TTC7A: variants seen among roughly 807,000 people sequenced by gnomAD.
TTC7A encodes tetratricopeptide repeat domain 7A.
In TTC7A, 110 loss-of-function variants were observed where a neutral mutation model predicts 103.7. The observed-to-expected ratio is 1.06, with a 90% CI of 0.91 to 1.24. TTC7A has a LOEUF of 1.24. Ranked by LOEUF, TTC7A falls within the 50% of genes most tolerant of loss-of-function variation. The pLI, the probability that TTC7A is intolerant of heterozygous loss-of-function variation, is 0.00. For missense variants in TTC7A, 1,340 were observed against 1,116.3 expected, an observed-to-expected ratio of 1.20 and a Z score of -2.86; for synonymous variants, 521 against 467.9, an observed-to-expected ratio of 1.11 and a Z score of -1.47.
In TTC7A at chr2:46,941,530, G is replaced by A. The variant is rs1453892294; in HGVS notation, c.-12G>A. 1.3e-6 allele frequency: 2 copies of A among 1,551,264 alleles called. No homozygotes were observed. Among genetic ancestry groups the A allele is most frequent in the South Asian group, 1.2e-5 (1 of 84,136 alleles). On this transcript the variant is annotated 5_prime_UTR_variant, in exon 1 of 20. Transcript: ENST00000319190. The surrounding 1 kb of genome is among the most constrained non-coding windows in gnomAD (Gnocchi z 4.2). The stretch of plus-strand genomic sequence containing the variant: ...TCTTGGCCGCACCTTCCATGACAGC[G>A]CCCGCGAGAAGATGGCTGCGAAGGG...
chr2:46,996,140 A>T (rs1279087118), intron 8 of TTC7A, among the ~76,000 whole-genome samples: 2 of 152,178 alleles, frequency 1.3e-5, no homozygotes, highest in Non-Finnish European at 2.9e-5. Context: ...TCAGCAAAGG[A>T]GAGTGCACTG....
intron 3 of TTC7A, among the ~76,000 whole-genome samples, chr2:46,973,684 T>C (rs773811864): frequency 5.3e-5 from 8 of 152,122 alleles, no homozygotes; most frequent in Non-Finnish European, 1.2e-4. Context: ...TGAGTCCCTA[T>C]AGTGACACAA....
intron 5 of TTC7A, among the ~76,000 whole-genome samples, chr2:46,987,824 G>C (rs1675187737): frequency 6.6e-6 from 1 of 151,168 alleles, no homozygotes; most frequent in Non-Finnish European, 1.5e-5. Context: ...GTGTGTGTGT[G>C]TGTGTGTGTG....
chr2:46,968,307 G>A (rs865860246), intron 3 of TTC7A, among the ~76,000 whole-genome samples: 1 of 152,230 alleles, frequency 6.6e-6, no homozygotes, highest in Non-Finnish European at 1.5e-5. Context: ...TCACAAGGCA[G>A]TGCCTGCCCT....
chr2:47,060,957 A>G lies in TTC7A; in HGVS notation c.2341A>G (p.Ile781Val). The G allele has an allele frequency of 6.2e-7, 1 of 1,612,466 alleles. No individual in the cohort carries two copies. Residue 781 changes from isoleucine (I) to valine (V), a missense_variant, in exon 19 of 20, where the codon ATC becomes GTC. By Grantham distance (29) the Ile-to-Val change is conservative (BLOSUM62 3). Coordinates refer to ENST00000319190, the MANE Select transcript of TTC7A (RefSeq NM_020458.4). ...CACGGTGAACCCAGATGGCGTGCGC[A>G]TCATGCATAGCCTGGTGAGTCAGAG... ...ALTVNPDGVRIMHSLGLMLSR... is the reference protein window; with the variant it reads ...ALTVNPDGVRVMHSLGLMLSR...
chr2:46,942,067 A>G (rs1670470139), intron 1 of TTC7A, among the ~76,000 whole-genome samples: 2 of 152,176 alleles, frequency 1.3e-5, no homozygotes, highest in African/African-American at 4.8e-5. Flanking sequence ...GGGTGTCCCT[A>G]AACTCCATCA....
rs1232772899 is a variant in TTC7A, at chr2:46,953,227, C to T, written c.348+2701C>T. ...GGAGTGCAGTGGCGTGAACATGGCT[C>T]ACTGCAGACTGGACCTCCTGGGCTC... On this transcript the variant is annotated intron_variant, in intron 2 of 19. Transcript: ENST00000319190. Among the ~76,000 whole-genome samples the T allele has an allele frequency of 2.0e-5, 3 of 152,172 alleles. No homozygotes were observed. In the East Asian group the frequency reaches 5.8e-4, roughly 29 times the overall value.
chr2:47,052,110 T>C (rs901979701), intron 18 of TTC7A, among the ~76,000 whole-genome samples: 13 of 152,142 alleles, frequency 8.5e-5, no homozygotes, highest in Non-Finnish European at 1.6e-4. Flanking sequence ...CGTGAGAGGA[T>C]TGGAGGTCCT....
chr2:47,046,463 A>G, intron 16 of TTC7A, 32 bp downstream of exon 16: 2 of 1,585,344 alleles, frequency 1.3e-6, no homozygotes, highest in Admixed American at 1.7e-5. Flanking sequence ...TTGGGTTGCC[A>G]GAGGGTGGTT....
At chr2:46,991,639 T>G (rs1185757904) in intron 5 of TTC7A, among the ~76,000 whole-genome samples, 1 of 152,212 alleles carries the variant, frequency 6.6e-6, no homozygotes, top group African/African-American at 2.4e-5. Flanking sequence ...TAAGGAAAAG[T>G]ACGACATAAA....
At chr2:46,988,053 G>A (rs75504598) in intron 5 of TTC7A, among the ~76,000 whole-genome samples, 19 of 152,222 alleles carry the variant, frequency 1.2e-4, no homozygotes, top group South Asian at 6.2e-4. Flanking sequence ...CACAGTCACC[G>A]AACAGCGAAG....
intron 10 of TTC7A, among the ~76,000 whole-genome samples, chr2:47,009,784 A>G (rs1190411567): frequency 6.6e-6 from 1 of 151,924 alleles, no homozygotes; most frequent in East Asian, 1.9e-4. Flanking sequence ...ACACACAGGT[A>G]CCTGTAAACC....
intron 14 of TTC7A, among the ~76,000 whole-genome samples, chr2:47,026,851 T>A (rs1426409001): frequency 6.6e-6 from 1 of 152,206 alleles, no homozygotes. Context: ...AGGTGAGTCC[T>A]CTTGCCCTAA....
chr2:46,974,800 T>A, intron 3 of TTC7A, 173 bp from the exon 4 acceptor site: 1 of 858,330 alleles, frequency 1.2e-6, no homozygotes, highest in Non-Finnish European at 1.8e-6. Flanking sequence ...TCCCAGCCAC[T>A]GCTAACACCA....
chr2:46,949,732 T>G (rs1671246930), intron 1 of TTC7A, among the ~76,000 whole-genome samples: 1 of 152,126 alleles, frequency 6.6e-6, no homozygotes, highest in Non-Finnish European at 1.5e-5. Flanking sequence ...CATGTCAAAT[T>G]ACCTTAAAAA....
At chr2:46,923,113 T>C (rs6544940) in intron 2 of TTC7A, among the ~76,000 whole-genome samples, 104,555 of 152,206 alleles carry the variant, frequency 0.69, 37,122 homozygotes, top group African/African-American at 0.85. Flanking sequence ...CCTCCTGGCC[T>C]GTGGATGTCT....
intron 8 of TTC7A, among the ~76,000 whole-genome samples, chr2:46,998,042 G>A (rs1051373208): frequency 4.6e-5 from 7 of 152,114 alleles, no homozygotes; most frequent in African/African-American, 1.2e-4. Flanking sequence ...GCCTGCCTCA[G>A]AGACTAGGGG....
chr2:47,025,635 G>A (rs1174476049), intron 14 of TTC7A, among the ~76,000 whole-genome samples: 1 of 152,180 alleles, frequency 6.6e-6, no homozygotes, highest in Non-Finnish European at 1.5e-5. Flanking sequence ...TGTTTCTGAG[G>A]CATTCTGTCT....
chr2:47,049,844 T>G, intron 16 of TTC7A, 105 bp from the exon 17 acceptor site: 1 of 825,216 alleles, frequency 1.2e-6, no homozygotes, highest in Non-Finnish European at 2.0e-6. Flanking sequence ...AGTGAGGCTG[T>G]CCCATTCTCC....
Sources: allele counts gnomAD v4.1 joint callset (sites outside exome capture counted in the v4.1 genomes callset), GRCh38; gene constraint gnomAD v4.1.1; non-coding constraint Gnocchi (gnomAD v3.1); transcripts MANE v1.5; gene names NCBI Gene and HGNC (gene_info 2026-07-23, HGNC 2026-07-21).